Variants in GRM5 observed in about 807,000 individuals in gnomAD.
The protein encoded by GRM5 is glutamate metabotropic receptor 5.
GRM5 carries 19 observed loss-of-function variants against 83.1 expected under a neutral mutation model. The observed-to-expected ratio is 0.23, with a 90% CI of 0.16 to 0.34. The LOEUF (loss-of-function observed/expected upper bound fraction) is 0.34, where lower values mean the gene tolerates loss of function less well. Ranked by LOEUF, GRM5 falls within the 10% of genes least tolerant of loss-of-function variation. The pLI, the probability that GRM5 is intolerant of heterozygous loss-of-function variation, is 1.00. For missense variants in GRM5, 1,160 were observed against 1,588.3 expected (o/e 0.73, Z 4.58); for synonymous variants, 675 against 633.6 (o/e 1.07, Z -0.98).
At chr11:88,655,254 G>C (rs145265867) in intron 3 of GRM5, among the ~76,000 whole-genome samples, 47 of 152,138 alleles carry the variant, frequency 3.1e-4, no homozygotes, top group African/African-American at 1.1e-3. Context: ...AAGCTGACAA[G>C]TTGAAATGAA....
chr11:88,646,896 C>CAA lies in GRM5; in HGVS notation c.1147+6270_1147+6271dup, dbSNP rs143740677. Among the ~76,000 whole-genome samples the CAA allele has an allele frequency of 6.6e-3, 921 of 139,878 alleles. 15 individuals carry two copies. The East Asian group carries it at 0.069, about 10-fold the overall frequency. 91.8% of individuals were successfully genotyped at this position (139,878 alleles called of 152,430 possible). A position where few individuals can be genotyped will look rare whatever the true frequency, so the allele number is the denominator to read the frequency against. On this transcript the variant is annotated intron_variant, in intron 4 of 9. Coordinates refer to ENST00000305447, the MANE Select transcript of GRM5 (RefSeq NM_001143831.3). ...TGTTAATTTTCTAAGGTTGCCATTA[C>CAA]AAAAAAAAAACACCACAAATTGGTT...
intron 2 of GRM5, among the ~76,000 whole-genome samples, chr11:88,973,684 A>G (rs1939237631): frequency 6.6e-6 from 1 of 152,138 alleles, no homozygotes; most frequent in African/African-American, 2.4e-5. Flanking sequence ...GAAAGAATAA[A>G]TTTCTGTTGT....
intron 2 of GRM5, among the ~76,000 whole-genome samples, chr11:88,914,577 C>T (rs1945558573): frequency 6.6e-6 from 1 of 152,164 alleles, no homozygotes; most frequent in African/African-American, 2.4e-5. Context: ...TGGACTAAGG[C>T]AGTGGCAGCA....
chr11:88,971,070 T>C (rs536606044), intron 2 of GRM5, among the ~76,000 whole-genome samples: 52 of 152,186 alleles, frequency 3.4e-4, no homozygotes, highest in African/African-American at 1.2e-3. Flanking sequence ...ATTAGGAAAT[T>C]CATTTAGGGT....
chr11:88,571,162 T>C (rs535961454), intron 7 of GRM5, among the ~76,000 whole-genome samples: 1 of 152,298 alleles, frequency 6.6e-6, no homozygotes, highest in East Asian at 1.9e-4. Flanking sequence ...TCTAAATACT[T>C]TGCATAGAAT....
chr11:88,758,746 C>A (rs1231764074), intron 3 of GRM5, among the ~76,000 whole-genome samples: 1 of 152,112 alleles, frequency 6.6e-6, no homozygotes, highest in East Asian at 1.9e-4. Context: ...CAGAAAACTC[C>A]AGTAAGATTC....
At chr11:88,719,721 A>ACAT (rs1243739421) in intron 3 of GRM5, among the ~76,000 whole-genome samples, 1 of 151,934 alleles carries the variant, frequency 6.6e-6, no homozygotes, top group Admixed American at 6.6e-5. Context: ...AACCTCATCA[A>ACAT]CATCTATTGG....
chr11:88,749,123 C>T (rs2135425084), intron 3 of GRM5, among the ~76,000 whole-genome samples: 1 of 152,220 alleles, frequency 6.6e-6, no homozygotes, highest in Non-Finnish European at 1.5e-5. Flanking sequence ...AAGTAGGCTT[C>T]AAAAGGTGGG....
At chr11:89,056,944 C>T (rs1348099096) in intron 1 of GRM5, among the ~76,000 whole-genome samples, 1 of 152,262 alleles carries the variant, frequency 6.6e-6, no homozygotes, top group African/African-American at 2.4e-5. Context: ...CAGGTAACCA[C>T]ACACTCTCAT....
intron 9 of GRM5, among the ~76,000 whole-genome samples, 171 bp downstream of exon 9, chr11:88,525,138 G>A (rs1322759744): frequency 6.6e-6 from 1 of 152,080 alleles, no homozygotes; most frequent in African/African-American, 2.4e-5. Flanking sequence ...TACACATGAG[G>A]GTGTCATAGG....
At chr11:88,644,059 A>G (rs559523570) in intron 4 of GRM5, among the ~76,000 whole-genome samples, 27 of 152,340 alleles carry the variant, frequency 1.8e-4, no homozygotes, top group Admixed American at 7.8e-4. Flanking sequence ...ACTTGCACAC[A>G]TTCTACAAAT....
rs564073399 is a variant in GRM5 at position 88,850,306 on chromosome 11, G to A, written c.662-151C>T. On this transcript the variant is annotated intron_variant, in intron 2 of 9. Coordinates refer to ENST00000305447, the MANE Select transcript of GRM5 (RefSeq NM_001143831.3). ...GAATTTTGGTTTTTGCTCTTTTGCC[G>A]AATTGCTTATTTTGGGCAAATTACA... The A allele has an allele frequency of 1.6e-4, 116 of 714,036 alleles. 1 individual carries two copies. Among genetic ancestry groups the A allele is most frequent in the South Asian group, 1.4e-3 (78 of 55,834 alleles). The allele number at this position is 714,036 out of a possible 1,614,324, so 44.2% of individuals were successfully genotyped here.
intron 2 of GRM5, among the ~76,000 whole-genome samples, chr11:89,001,847 TA>T (rs1940392848): frequency 6.6e-6 from 1 of 152,118 alleles, no homozygotes; most frequent in Admixed American, 6.6e-5. Context: ...CATATCACAT[TA>T]ATCATAATTA....
At chr11:88,898,268 C>T (rs1017085318) in intron 2 of GRM5, among the ~76,000 whole-genome samples, 19 of 151,784 alleles carry the variant, frequency 1.3e-4, no homozygotes, top group Admixed American at 9.2e-4. Flanking sequence ...TAATGTTTAA[C>T]TCGATTAATA....
chr11:88,852,788 A>C lies in GRM5; in HGVS notation c.662-2633T>G, dbSNP rs140566371. ...CAAAAGAAATCCTTTGTAAGCTGGG[A>C]GACAAAGAGAATATGTCTTCCAATA... On this transcript the variant is annotated intron_variant, in intron 2 of 9. Coordinates refer to ENST00000305447, the MANE Select transcript of GRM5 (RefSeq NM_001143831.3). 4.4e-3 allele frequency among the ~76,000 whole-genome samples: 663 copies of C among 152,216 alleles called. 5 individuals are homozygous for C. Among genetic ancestry groups the C allele is most frequent in the African/African-American group, 0.015 (622 of 41,560 alleles).
chr11:89,062,078 T>C (rs1942006511), intron 1 of GRM5, among the ~76,000 whole-genome samples: 1 of 152,168 alleles, frequency 6.6e-6, no homozygotes, highest in Non-Finnish European at 1.5e-5. Flanking sequence ...GGACGCACAC[T>C]ACTAACCCAA....
chr11:88,567,491 A>C lies in GRM5; in HGVS notation c.2192T>G (p.Leu731Arg), dbSNP rs1401281956. 1 of 1,614,122 alleles carries C rather than the reference A, an allele frequency of 6.2e-7. No homozygotes were observed. The highest frequency in any genetic ancestry group is 1.1e-5 in the South Asian group (1 of 91,078). Residue 731 changes from leucine to arginine, a missense_variant, in exon 8 of 10, where the codon CTG (leucine) becomes CGG (arginine). Coordinates refer to ENST00000305447, the MANE Select transcript of GRM5 (RefSeq NM_001143831.3). The surrounding 1 kb of genome is among the most constrained non-coding windows in gnomAD (Gnocchi z 7.3). ...TCCTAGGTTGGTGGTGTTACAGATC[A>C]GGTAGACTTCTCGAATGCTTGGGTA... ...HDYPSIREVY[L>R]ICNTTNLGVV...
At chr11:88,960,711 C>T (rs1391474078) in intron 2 of GRM5, among the ~76,000 whole-genome samples, 1 of 152,088 alleles carries the variant, frequency 6.6e-6, no homozygotes, top group East Asian at 1.9e-4. Context: ...CCTAGATTCC[C>T]CATCACTGCT....
intron 3 of GRM5, among the ~76,000 whole-genome samples, chr11:88,726,387 T>A (rs6483401): frequency 0.64 from 97,567 of 152,008 alleles, 33,405 homozygotes; most frequent in South Asian, 0.84. Context: ...TATGGGACTA[T>A]GTGAAAAGAC....
Sources: allele counts gnomAD v4.1 joint callset (sites outside exome capture counted in the v4.1 genomes callset), GRCh38; gene constraint gnomAD v4.1.1; non-coding constraint Gnocchi (gnomAD v3.1); transcripts MANE v1.5; gene names NCBI Gene and HGNC (gene_info 2026-07-23, HGNC 2026-07-21).